SYT14: variants seen among roughly 807,000 people sequenced by gnomAD.
SYT14 encodes synaptotagmin 14.
A neutral mutation model predicts 74.2 loss-of-function variants in SYT14; 32 were observed. The ratio of observed to expected loss-of-function variants is 0.43; its 90% CI spans 0.33 to 0.58. SYT14 has a LOEUF of 0.58. Ranked by LOEUF, SYT14 falls within the 20% of genes least tolerant of loss-of-function variation. SYT14 has a pLI of 0.05. For synonymous variants in SYT14, 298 were observed against 337.7 expected (o/e 0.88, Z 1.29); for missense variants, 791 against 981.8 (o/e 0.81, Z 2.60).
At chr1:210,143,832 GAT>G (rs1208696555) in intron 7 of SYT14, among the ~76,000 whole-genome samples, 1 of 152,032 alleles carries the variant, frequency 6.6e-6, no homozygotes, top group Non-Finnish European at 1.5e-5. Flanking sequence ...AGAGAAAAGT[GAT>G]ATTTTACTAA....
intron 2 of SYT14, chr1:209,953,070 T>C: frequency 7.5e-7 from 1 of 1,337,918 alleles, no homozygotes; most frequent in Non-Finnish European, 9.8e-7. Flanking sequence ...GGAATCTGAG[T>C]GCATGCTGAT....
chr1:210,152,562 T>C (rs1202922919), intron 7 of SYT14, among the ~76,000 whole-genome samples: 5 of 152,128 alleles, frequency 3.3e-5, no homozygotes, highest in Non-Finnish European at 7.4e-5. Flanking sequence ...ATCTTCTTTC[T>C]TGCAAAACCC....
chr1:210,098,244 C>T (rs1390250595), intron 6 of SYT14, among the ~76,000 whole-genome samples: 1 of 151,878 alleles, frequency 6.6e-6, no homozygotes, highest in African/African-American at 2.4e-5. Flanking sequence ...CTCTCCCGAC[C>T]TAAAATAGGG....
At chr1:210,154,671 A>G (rs1325895600) in intron 7 of SYT14, among the ~76,000 whole-genome samples, 4 of 152,004 alleles carry the variant, frequency 2.6e-5, no homozygotes, top group Non-Finnish European at 4.4e-5. Context: ...TTTTATTATC[A>G]TTTAGTTACC....
intron 3 of SYT14, among the ~76,000 whole-genome samples, chr1:210,014,414 G>A (rs558504888): frequency 1.9e-5 from 2 of 103,854 alleles, no homozygotes; most frequent in East Asian, 7.9e-4. Flanking sequence ...TTTCCTTGGA[G>A]TGTTTTTTTT....
intron 5 of SYT14, among the ~76,000 whole-genome samples, chr1:210,044,552 T>C (rs1211574713): frequency 6.6e-6 from 1 of 152,202 alleles, no homozygotes; most frequent in Non-Finnish European, 1.5e-5. Context: ...TGCCAGGCAA[T>C]GTGATAGATA....
At chr1:210,085,862 C>T (rs2081718294) in intron 5 of SYT14, among the ~76,000 whole-genome samples, 1 of 152,066 alleles carries the variant, frequency 6.6e-6, no homozygotes, top group East Asian at 1.9e-4. Context: ...TTGTAAGATA[C>T]TTTTCAGGTC....
chr1:209,944,875 T>C (rs1338855273), intron 1 of SYT14, among the ~76,000 whole-genome samples: 1 of 152,186 alleles, frequency 6.6e-6, no homozygotes, highest in African/African-American at 2.4e-5. Flanking sequence ...ATGATAACTG[T>C]AGAAGAGAAG....
intron 5 of SYT14, among the ~76,000 whole-genome samples, chr1:210,066,975 G>A (rs2081308080): frequency 6.6e-6 from 1 of 151,906 alleles, no homozygotes; most frequent in African/African-American, 2.4e-5. Context: ...TTAATTTTGA[G>A]TTAATTTCTA....
intron 4 of SYT14, 108 bp from the exon 4 acceptor site, chr1:210,020,931 C>A: frequency 1.1e-6 from 1 of 889,138 alleles, no homozygotes; most frequent in Non-Finnish European, 1.8e-6. Context: ...AGCAAATTTT[C>A]TATACTTTAT....
chr1:209,986,907 C>A (rs2079580510), intron 2 of SYT14, among the ~76,000 whole-genome samples: 1 of 152,194 alleles, frequency 6.6e-6, no homozygotes, highest in Non-Finnish European at 1.5e-5. Context: ...CAGGCATGAG[C>A]CACCATACCC....
At chr1:209,946,362 A>G (rs994196222) in intron 1 of SYT14, among the ~76,000 whole-genome samples, 2 of 152,234 alleles carry the variant, frequency 1.3e-5, no homozygotes, top group Non-Finnish European at 2.9e-5. Flanking sequence ...ATGCAAAGGA[A>G]AAGTTCTTGA....
In SYT14 at chr1:210,100,568, T is replaced by C. The variant is rs1038936247; in HGVS notation, c.2034+107T>C. 8.0e-6 allele frequency: 9 copies of C among 1,129,318 alleles called. No homozygotes were observed. In the African/African-American group the frequency reaches 1.2e-4, roughly 16 times the overall value. 70.0% of individuals were successfully genotyped at this position (1,129,318 alleles called of 1,614,324 possible). On this transcript the variant is annotated intron_variant, in intron 7 of 9. Transcript: ENST00000637265. ...CCAACAAGTTTGTCAGTCTATTTTT[T>C]TACATAGTAATCATGCCTTTACAAA... is the stretch of plus-strand genomic sequence containing the variant.
At chr1:210,080,364 T>C (rs2102477977) in intron 5 of SYT14, among the ~76,000 whole-genome samples, 1 of 152,330 alleles carries the variant, frequency 6.6e-6, no homozygotes, top group South Asian at 2.1e-4. Context: ...TTTAAAATAA[T>C]TGTTTTCTTG....
chr1:210,056,330 A>T (rs1197440821), intron 5 of SYT14, among the ~76,000 whole-genome samples: 2 of 152,028 alleles, frequency 1.3e-5, no homozygotes, highest in African/African-American at 4.8e-5. Flanking sequence ...CCACCAAAAA[A>T]ATATTCCACA....
At chr1:210,122,673 C>T (rs563902958) in intron 7 of SYT14, among the ~76,000 whole-genome samples, 6 of 150,152 alleles carry the variant, frequency 4.0e-5, no homozygotes, top group Admixed American at 3.3e-4. Context: ...TACAAAAAAA[C>T]AGACCACATG....
intron 2 of SYT14, among the ~76,000 whole-genome samples, chr1:209,957,549 C>T (rs2079013066): frequency 6.6e-6 from 1 of 152,000 alleles, no homozygotes; most frequent in Non-Finnish European, 1.5e-5. Context: ...GCCTCAGCCT[C>T]CCAAGTAGCT....
chr1:210,081,458 T>C (rs180738294), intron 5 of SYT14, among the ~76,000 whole-genome samples: 6 of 152,322 alleles, frequency 3.9e-5, no homozygotes, highest in African/African-American at 1.4e-4. Context: ...ATAAGTGTTA[T>C]GTTTATACAA....
At chr1:210,051,060 G>A (rs952432108) in intron 5 of SYT14, among the ~76,000 whole-genome samples, 9 of 152,090 alleles carry the variant, frequency 5.9e-5, no homozygotes, top group East Asian at 1.9e-4. Context: ...TTGATACCAC[G>A]CATTCAATCC....
Sources: allele counts gnomAD v4.1 joint callset (sites outside exome capture counted in the v4.1 genomes callset), GRCh38; gene constraint gnomAD v4.1.1; transcripts MANE v1.5; gene names NCBI Gene and HGNC (gene_info 2026-07-23, HGNC 2026-07-21).